The following FYCO1 variants were observed in gnomAD, a reference collection of about 807,000 sequenced individuals.
FYCO1 encodes the protein FYVE and coiled-coil domain autophagy adaptor 1, also known as FYVE and coiled-coil domain-containing protein 1.
Under a neutral mutation model 165.1 loss-of-function variants are expected in FYCO1, and 122 were observed. That is an observed-to-expected ratio of 0.74 (90% CI 0.64 to 0.86). FYCO1 has a LOEUF of 0.86. FYCO1 is among the 40% of genes least tolerant of loss of function. The pLI is 0.00. For missense variants in FYCO1, 1,702 were observed against 1,810.3 expected, an observed-to-expected ratio of 0.94 and a Z score of 1.09; for synonymous variants, 648 against 742.5, an observed-to-expected ratio of 0.87 and a Z score of 2.07.
intron 2 of FYCO1, among the ~76,000 whole-genome samples, chr3:45,982,417 G>A (rs1051146670): frequency 6.6e-6 from 1 of 152,118 alleles, no homozygotes; most frequent in Non-Finnish European, 1.5e-5. Context: ...AAAGATCATG[G>A]GTGGCAAACA....
In FYCO1 at chr3:45,958,547, C is replaced by T; in HGVS notation, c.3660G>A (p.Glu1220=). ...YVLSKHGGKK[E]RCCRACFQKL... The stretch of plus-strand genomic sequence containing the variant: ...TCTGGAAACAGGCTCGGCAGCAGCG[C>T]TCCTTTTTGCCACCGTGCTTGCTCA... Residue 1220 remains glutamate, a synonymous_variant, in exon 13 of 18, where the codon GAG becomes GAA. Coordinates refer to ENST00000296137, the MANE Select transcript of FYCO1 (RefSeq NM_024513.4). 6.2e-7 allele frequency: 1 copy of T among 1,614,204 alleles called. No homozygotes were observed. Among genetic ancestry groups the T allele is most frequent in the Non-Finnish European group, 8.5e-7 (1 of 1,180,040 alleles).
Position 45,935,526 on chromosome 3 carries a change from C to T in FYCO1, c.4040+922G>A, listed in dbSNP as rs376925463. 1.1e-3 allele frequency among the ~76,000 whole-genome samples: 164 copies of T among 152,266 alleles called. 3 individuals carry two copies. In the South Asian group the frequency reaches 0.033, roughly 31 times the overall value. The stretch of plus-strand genomic sequence containing the variant: ...TGTCAGGCATTGTCCTGTCTCAGGG[C>T]CTTTGTGCTGCCTGTTCCCTCTGCC... On this transcript the variant is annotated intron_variant, in intron 15 of 17. Coordinates refer to ENST00000296137, the MANE Select transcript of FYCO1 (RefSeq NM_024513.4).
chr3:45,949,411 G>A (rs1004838491), intron 14 of FYCO1, among the ~76,000 whole-genome samples: 4 of 152,216 alleles, frequency 2.6e-5, no homozygotes, highest in African/African-American at 9.6e-5. Context: ...CCCGGCCCAA[G>A]GGACAGAGGC....
In FYCO1 at chr3:45,955,160, A is replaced by C. The variant is rs566495996; in HGVS notation, c.3944+89T>G. 2.8e-6 allele frequency: 4 copies of C among 1,449,808 alleles called. No homozygotes were observed. In the Admixed American group the frequency reaches 6.7e-5, roughly 24 times the overall value. 89.8% of individuals were successfully genotyped at this position (1,449,808 alleles called of 1,614,324 possible). ...GGCAAGGACAGTCAATCCTGCTTCCAGTGTCTCACTTTCCTCATCCTTTGA... is the reference window on the plus strand; with the variant it reads ...GGCAAGGACAGTCAATCCTGCTTCCCGTGTCTCACTTTCCTCATCCTTTGA... On this transcript the variant is annotated intron_variant, in intron 14 of 17. Transcript: ENST00000296137.
rs1479448220 is a variant in FYCO1, at chr3:45,962,607, C to T, written c.3270-215G>A. 6.6e-6 allele frequency among the ~76,000 whole-genome samples: 1 copy of T among 152,170 alleles called. No individual in the cohort carries two copies. Among genetic ancestry groups the T allele is most frequent in the Admixed American group, 6.5e-5 (1 of 15,278 alleles). ...CATTCTGGGAGGGAAAGCAGGCTGA[C>T]CCCAGGTTGCCAGAAGCACCCTAAG... On this transcript the variant is annotated intron_variant, in intron 10 of 17. Transcript: ENST00000296137. This position sits in a 1 kb window ranked among gnomAD's most constrained non-coding sequence, Gnocchi z 4.4.
intron 14 of FYCO1, among the ~76,000 whole-genome samples, chr3:45,938,019 C>T (rs1027960236): frequency 3.9e-5 from 6 of 152,122 alleles, no homozygotes; most frequent in South Asian, 2.1e-4. Context: ...TTGTCCAAGG[C>T]GTAAATACCA....
intron 15 of FYCO1, among the ~76,000 whole-genome samples, chr3:45,932,146 C>T (rs1392664725): frequency 6.6e-6 from 1 of 152,198 alleles, no homozygotes; most frequent in Non-Finnish European, 1.5e-5. Context: ...ACAAGATGAA[C>T]CCAGGGAGCT....
intron 1 of FYCO1, among the ~76,000 whole-genome samples, chr3:45,988,680 G>C (rs965771576): frequency 2.0e-5 from 3 of 152,188 alleles, no homozygotes; most frequent in African/African-American, 7.2e-5. Flanking sequence ...ATCTTTGGAA[G>C]CATTGAATTT....
Position 45,967,363 on chromosome 3 carries a change from C to T in FYCO1, c.1971G>A (p.Gln657=). 6.2e-7 allele frequency: 1 copy of T among 1,609,974 alleles called. No homozygotes were observed. The highest frequency in any genetic ancestry group is 8.5e-7 in the Non-Finnish European group (1 of 1,177,276). ...QALQQRESAI[Q]GSLASLEAEQ... Reference sequence around the variant, plus strand: ...CGGCCTCCAGGGAGGCCAAGGAGCCCTGGATGGCTGATTCCCGCTGCTGCA... The same window carrying T: ...CGGCCTCCAGGGAGGCCAAGGAGCCTTGGATGGCTGATTCCCGCTGCTGCA... Residue 657 remains glutamine, a synonymous_variant, in exon 8 of 18, where the codon CAG becomes CAA. Coordinates refer to ENST00000296137, the MANE Select transcript of FYCO1 (RefSeq NM_024513.4).
intron 17 of FYCO1, among the ~76,000 whole-genome samples, chr3:45,922,833 T>C (rs1248453122): frequency 6.6e-6 from 1 of 152,204 alleles, no homozygotes; most frequent in African/African-American, 2.4e-5. Context: ...ATGCTGGGGA[T>C]GTGACCGGTA....
rs1350874536 is a variant in FYCO1 at position 45,970,397 on chromosome 3, C to A, written c.540-632G>T. Among the ~76,000 whole-genome samples the A allele has an allele frequency of 2.0e-5, 3 of 152,218 alleles. No homozygotes were observed. The East Asian group carries it at 5.8e-4, about 29-fold the overall frequency. On this transcript the variant is annotated intron_variant, in intron 6 of 17. Coordinates refer to ENST00000296137, the MANE Select transcript of FYCO1 (RefSeq NM_024513.4). ...TTCAAACCTAGTCTCCAAAACCCAG[C>A]AACTGCCCTTCACAGTATCTTCCCT...
At chr3:45,956,330 A>T (rs6441936) in intron 13 of FYCO1, among the ~76,000 whole-genome samples, 71,354 of 149,440 alleles carry the variant, frequency 0.48, 18,263 homozygotes, top group South Asian at 0.71. Flanking sequence ...AGCAAGACTT[A>T]GTCTCAAAAA....
chr3:45,947,421 G>C (rs1441755525), intron 14 of FYCO1: 1 of 1,614,212 alleles, frequency 6.2e-7, no homozygotes. Flanking sequence ...TTACCTTGGG[G>C]TCTCACATCA....
rs375889330 is a variant in FYCO1 at position 45,975,216 on chromosome 3, C to T, written c.395+23G>A. ...CATTTCTGCACGGGATGATCCCAAA[C>T]CCCAGCCCTGTCCTGTATTTACCTG... is the stretch of plus-strand genomic sequence containing the variant. On this transcript the variant is annotated intron_variant, in intron 5 of 17. Coordinates refer to ENST00000296137, the MANE Select transcript of FYCO1 (RefSeq NM_024513.4). 1.3e-4 allele frequency: 197 copies of T among 1,517,922 alleles called. 1 individual carries two copies. In the African/African-American group the frequency reaches 2.4e-3, roughly 19 times the overall value. The allele number at this position is 1,517,922 out of a possible 1,614,324, so 94.0% of individuals were successfully genotyped here. A position where few individuals can be genotyped will look rare whatever the true frequency, so the allele number is the denominator to read the frequency against.
intron 2 of FYCO1, chr3:45,984,560 G>C (rs1347962553): frequency 1.9e-6 from 1 of 528,968 alleles, no homozygotes; most frequent in Non-Finnish European, 3.4e-6. Context: ...TTAACAGGCA[G>C]CTTCAAAACA....
At chr3:45,947,538 C>T in intron 14 of FYCO1, 1 of 1,582,466 alleles carries the variant, frequency 6.3e-7, no homozygotes, top group East Asian at 2.2e-5. Flanking sequence ...AGAAGCTGCT[C>T]TGGAATTTGC....
intron 1 of FYCO1, among the ~76,000 whole-genome samples, chr3:45,986,266 C>G (rs1164672061): frequency 3.3e-5 from 5 of 152,188 alleles, no homozygotes; most frequent in African/African-American, 1.2e-4. Context: ...CCAACCACTT[C>G]CACCGGCTCG....
At chr3:45,959,580 T>A in intron 11 of FYCO1, 38 bp from the exon 12 acceptor site, 1 of 1,599,240 alleles carries the variant, frequency 6.3e-7, no homozygotes, top group Non-Finnish European at 8.6e-7. Context: ...GGAGAGAGAA[T>A]CCATGAAAAC....
intron 17 of FYCO1, 52 bp downstream of exon 17, chr3:45,923,604 G>T: frequency 9.3e-7 from 1 of 1,078,766 alleles, no homozygotes; most frequent in Non-Finnish European, 1.4e-6. Flanking sequence ...CTCTTTAGAA[G>T]AGGTGAAAGA....
Sources: gnomAD v4.1 joint callset for allele counts (sites outside exome capture counted in the v4.1 genomes callset) on GRCh38, gnomAD v4.1.1 for gene constraint, Gnocchi (gnomAD v3.1) non-coding constraint, MANE v1.5 for transcripts, NCBI Gene and HGNC (gene_info 2026-07-23, HGNC 2026-07-21) for gene names.